CIT: variants seen among roughly 807,000 people sequenced by gnomAD.
The protein encoded by CIT is citron rho-interacting serine/threonine kinase, also known as citron Rho-interacting kinase.
In CIT, 79 loss-of-function variants were observed where a neutral mutation model predicts 272.7. The observed-to-expected ratio is 0.29, with a 90% confidence interval of 0.24 to 0.35. The LOEUF is 0.35. Among genes scored for constraint, CIT ranks in the 10% least tolerant of loss-of-function variants. The pLI is 1.00. For missense variants in CIT, 1,909 were observed against 2,618.3 expected (o/e 0.73, Z 5.91); for synonymous variants, 948 against 995.6 (o/e 0.95, Z 0.90).
At chr12:119,736,147 G>C (rs530595463) in intron 24 of CIT, among the ~76,000 whole-genome samples, 3 of 152,246 alleles carry the variant, frequency 2.0e-5, no homozygotes, top group African/African-American at 7.2e-5. Flanking sequence ...GGCTTGCAGA[G>C]AGCTTTTATG....
intron 22 of CIT, among the ~76,000 whole-genome samples, chr12:119,753,808 T>C (rs1032758891): frequency 7.9e-5 from 12 of 151,720 alleles, no homozygotes; most frequent in Non-Finnish European, 1.3e-4. Flanking sequence ...AAATAGACCA[T>C]TGCTATGACA....
Position 119,696,559 on chromosome 12 carries a change from C to T in CIT, c.5882+1100G>A, listed in dbSNP as rs75442880. On this transcript the variant is annotated intron_variant, in intron 46 of 47. Coordinates refer to ENST00000392521, the MANE Select transcript of CIT (RefSeq NM_001206999.2). ...TTTTTGATTTTGAGATAGGGTCTCA[C>T]TCTGTGCCCAGGCTGGAGTACAGTG... Among the ~76,000 whole-genome samples, 304 of 151,912 alleles carry T rather than the reference C, an allele frequency of 2.0e-3. 3 individuals carry two copies. Among genetic ancestry groups the T allele is most frequent in the African/African-American group, 6.9e-3 (288 of 41,520 alleles).
intron 24 of CIT, among the ~76,000 whole-genome samples, 158 bp from the exon 25 acceptor site, chr12:119,735,515 T>C (rs558838547): frequency 3.9e-5 from 6 of 152,186 alleles, no homozygotes; most frequent in Non-Finnish European, 7.3e-5. Context: ...TCCAAGCTCC[T>C]ATGCCCAGCC....
intron 41 of CIT, 150 bp from the exon 42 acceptor site, chr12:119,702,108 CTTTT>C (rs113607985): frequency 7.3e-6 from 4 of 550,258 alleles, no homozygotes; most frequent in East Asian, 3.1e-5. Context: ...AGCCATTCAT[CTTTT>C]TTTTTTTTTG....
chr12:119,868,601 C>T (rs1424005179), intron 3 of CIT, among the ~76,000 whole-genome samples: 1 of 152,194 alleles, frequency 6.6e-6, no homozygotes, highest in Non-Finnish European at 1.5e-5. Context: ...TGCAATGGCA[C>T]AATCACAGCT....
chr12:119,739,733 C>T (rs1047667378), intron 24 of CIT, among the ~76,000 whole-genome samples: 8 of 152,128 alleles, frequency 5.3e-5, no homozygotes, highest in African/African-American at 1.7e-4. Flanking sequence ...GCAGTTTGCA[C>T]GTATCTCATT....
chr12:119,819,082 G>A (rs1967457621), intron 9 of CIT, among the ~76,000 whole-genome samples: 1 of 152,144 alleles, frequency 6.6e-6, no homozygotes, highest in Non-Finnish European at 1.5e-5. Flanking sequence ...AACATCGCCG[G>A]AACTGCACAA....
chr12:119,718,452 C>T lies in CIT; in HGVS notation c.4004-43G>A. ...CAATGCCTTTTGGTTAGCTGGGTCG[C>T]CTAGAGGACCAAACTAAGCCGAATG... On this transcript the variant is annotated intron_variant, in intron 31 of 47. Coordinates refer to ENST00000392521, the MANE Select transcript of CIT (RefSeq NM_001206999.2). The surrounding 1 kb of genome is among the most constrained non-coding windows in gnomAD (Gnocchi z 4.8). 1.9e-6 allele frequency: 3 copies of T among 1,570,142 alleles called. No homozygotes were observed. The highest frequency in any genetic ancestry group is 2.6e-6 in the Non-Finnish European group (3 of 1,155,674).
chr12:119,740,060 C>T (rs1464921444), intron 24 of CIT, among the ~76,000 whole-genome samples: 3 of 152,158 alleles, frequency 2.0e-5, no homozygotes, highest in Admixed American at 2.0e-4. Context: ...ATTCCAGAGC[C>T]CATGACTTAG....
Position 119,757,287 on chromosome 12 carries a change from A to AT in CIT, c.2706+83dup, listed in dbSNP as rs1218932644. Reference sequence around the variant, plus strand: ...ACCAAGCACAATGTCTCTTGTATAGATATTGATTTGTGCTCGAAAGCTGAC... The same window carrying AT: ...ACCAAGCACAATGTCTCTTGTATAGATTATTGATTTGTGCTCGAAAGCTGAC... On this transcript the variant is annotated intron_variant, in intron 22 of 47. Transcript: ENST00000392521. 48 of 1,522,180 alleles carry AT rather than the reference A, an allele frequency of 3.2e-5. No homozygotes were observed. In the East Asian group the frequency reaches 1.1e-3, roughly 34 times the overall value. 94.3% of individuals were successfully genotyped at this position (1,522,180 alleles called of 1,614,324 possible). A position where few individuals can be genotyped will look rare whatever the true frequency, so the allele number is the denominator to read the frequency against.
At chr12:119,720,707 C>A in intron 29 of CIT, 122 bp from the exon 30 acceptor site, 1 of 633,856 alleles carries the variant, frequency 1.6e-6, no homozygotes, top group Non-Finnish European at 2.7e-6. Flanking sequence ...CCAACACAAA[C>A]AGTACTGAGT....
chr12:119,784,629 C>T lies in CIT; in HGVS notation c.1401+331G>A. 7.4e-6 allele frequency: 9 copies of T among 1,218,868 alleles called. No homozygotes were observed. Among genetic ancestry groups the T allele is most frequent in the Non-Finnish European group, 9.3e-6 (9 of 972,804 alleles). The allele number at this position is 1,218,868 out of a possible 1,614,324, so 75.5% of individuals were successfully genotyped here. Reference sequence around the variant, plus strand: ...AAGACTAGGAAGAGAGACTTCGCATCACTCAAAGCAGATGGGATGTATCTC... The same window carrying T: ...AAGACTAGGAAGAGAGACTTCGCATTACTCAAAGCAGATGGGATGTATCTC... On this transcript the variant is annotated intron_variant, in intron 11 of 47. Coordinates refer to ENST00000392521, the MANE Select transcript of CIT (RefSeq NM_001206999.2). This position sits in a 1 kb window ranked among gnomAD's most constrained non-coding sequence, Gnocchi z 4.7.
In CIT at chr12:119,735,195, T is replaced by C; in HGVS notation, c.3121A>G (p.Thr1041Ala). Residue 1041 changes from threonine (T) to alanine (A), a missense_variant, in exon 25 of 48, where the codon ACG becomes GCG. Transcript: ENST00000392521. ...CTGGTAAGCTGCATCTCTCGTTCCG[T>C]GATCTCCCGGCGGAGATGGTCCACT... is the stretch of plus-strand genomic sequence containing the variant. ...SEVDHLRREI[T>A]EREMQLTSQK... is the part of the protein sequence containing the mutation. 1 of 1,614,178 alleles carries C rather than the reference T, an allele frequency of 6.2e-7. No individual in the cohort carries two copies. The highest frequency in any genetic ancestry group is 2.2e-5 in the East Asian group (1 of 44,882).
At chr12:119,769,866 TG>T (rs1340385867) in intron 18 of CIT, among the ~76,000 whole-genome samples, 1 of 152,242 alleles carries the variant, frequency 6.6e-6, no homozygotes, top group African/African-American at 2.4e-5. Context: ...ACCTATAAGT[TG>T]GCCACTATGG....
intron 3 of CIT, among the ~76,000 whole-genome samples, chr12:119,863,942 CACCAGAT>C (rs946860830): frequency 6.6e-6 from 1 of 152,008 alleles, no homozygotes; most frequent in African/African-American, 2.4e-5. Context: ...AGGGAGCCAT[CACCAGAT>C]ACCAGATTCG....
At chr12:119,762,981 A>T (rs118047850) in intron 19 of CIT, among the ~76,000 whole-genome samples, 1 of 152,136 alleles carries the variant, frequency 6.6e-6, no homozygotes, top group Admixed American at 6.5e-5. Flanking sequence ...AGGAGTTCGA[A>T]GCCTCATTGA....
chr12:119,866,716 G>A (rs1021921118), intron 3 of CIT, among the ~76,000 whole-genome samples: 10 of 152,182 alleles, frequency 6.6e-5, no homozygotes, highest in Non-Finnish European at 1.2e-4. Context: ...CTACTGAGGA[G>A]GCTGAGACAG....
At chr12:119,720,646 T>TACCA in intron 29 of CIT, 61 bp from the exon 30 acceptor site, 1 of 1,264,318 alleles carries the variant, frequency 7.9e-7, no homozygotes, top group Non-Finnish European at 1.1e-6. Flanking sequence ...TTAAAGTTGG[T>TACCA]ACTTTAAGAA....
intron 9 of CIT, among the ~76,000 whole-genome samples, chr12:119,808,259 C>T (rs1474756651): frequency 6.6e-6 from 1 of 152,182 alleles, no homozygotes; most frequent in Non-Finnish European, 1.5e-5. Flanking sequence ...TCTTGGGACT[C>T]CTTCTAACAT....
Sources: gnomAD v4.1 joint callset for allele counts (sites outside exome capture counted in the v4.1 genomes callset) on GRCh38, gnomAD v4.1.1 for gene constraint, Gnocchi (gnomAD v3.1) non-coding constraint, MANE v1.5 for transcripts, NCBI Gene and HGNC (gene_info 2026-07-23, HGNC 2026-07-21) for gene names.